Variants in OSBPL10 observed in about 807,000 individuals in gnomAD.
OSBPL10 encodes oxysterol-binding protein-related protein 10.
OSBPL10 carries 49 observed loss-of-function variants against 81.7 expected under a neutral mutation model. The ratio of observed to expected loss-of-function variants is 0.60; its 90% CI spans 0.48 to 0.76. OSBPL10 has a LOEUF of 0.76. Among genes scored for constraint, OSBPL10 ranks in the 30% least tolerant of loss-of-function variants. The pLI is 0.00. For synonymous variants in OSBPL10, 419 were observed against 383.6 expected (o/e 1.09, Z -1.08); for missense variants, 923 against 987.8 (o/e 0.93, Z 0.88).
At chr3:31,964,721 T>C (rs1031566571) in intron 1 of OSBPL10, among the ~76,000 whole-genome samples, 11 of 152,180 alleles carry the variant, frequency 7.2e-5, no homozygotes, top group African/African-American at 2.4e-4. Context: ...TGGCCTGAAA[T>C]ACTTGTGTGC....
intron 3 of OSBPL10, among the ~76,000 whole-genome samples, chr3:31,833,693 GCACACGCACACGCACACA>G (rs756060747): frequency 6.8e-5 from 9 of 132,876 alleles, no homozygotes; most frequent in African/African-American, 2.1e-4. Context: ...GGGAAAACAC[GCACACGCACACGCACACA>G]CACACACACA....
At chr3:31,956,794 C>T (rs1311104635) in intron 1 of OSBPL10, among the ~76,000 whole-genome samples, 1 of 151,804 alleles carries the variant, frequency 6.6e-6, no homozygotes, top group Non-Finnish European at 1.5e-5. Context: ...TGGGATACAG[C>T]ATGTCAATCT....
chr3:31,674,089 C>A (rs1700394497), intron 8 of OSBPL10, among the ~76,000 whole-genome samples: 1 of 152,164 alleles, frequency 6.6e-6, no homozygotes, highest in South Asian at 2.1e-4. Flanking sequence ...TATTTGACCC[C>A]CTCCAAAACT....
intron 2 of OSBPL10, among the ~76,000 whole-genome samples, chr3:32,023,064 C>A (rs1699373751): frequency 6.6e-6 from 1 of 152,126 alleles, no homozygotes; most frequent in Non-Finnish European, 1.5e-5. Context: ...CATCTCCTGA[C>A]TTTAGCTTCT....
chr3:31,874,554 A>G (rs1701403056), intron 3 of OSBPL10, among the ~76,000 whole-genome samples: 2 of 152,194 alleles, frequency 1.3e-5, no homozygotes, highest in Non-Finnish European at 2.9e-5. Flanking sequence ...AAAACAAGTG[A>G]AGGATATAAA....
At chr3:32,012,641 G>A (rs9810706) in intron 2 of OSBPL10, among the ~76,000 whole-genome samples, 4,651 of 152,214 alleles carry the variant, frequency 0.031, 242 homozygotes, top group African/African-American at 0.11. Flanking sequence ...AAAAGACACA[G>A]ACTGGCAAAT....
At chr3:31,993,690 A>ACACACG (rs949281655) in intron 2 of OSBPL10, among the ~76,000 whole-genome samples, 1 of 151,864 alleles carries the variant, frequency 6.6e-6, no homozygotes, top group Non-Finnish European at 1.5e-5. Context: ...ATACACACAC[A>ACACACG]CACACACACA....
intron 4 of OSBPL10, among the ~76,000 whole-genome samples, chr3:31,823,965 C>T (rs930462113): frequency 6.6e-6 from 1 of 152,052 alleles, no homozygotes; most frequent in Non-Finnish European, 1.5e-5. Flanking sequence ...GATTCTCCCA[C>T]CTCAGCCTCC....
intron 1 of OSBPL10, among the ~76,000 whole-genome samples, chr3:31,907,327 G>A (rs1696437178): frequency 6.6e-6 from 1 of 151,942 alleles, no homozygotes; most frequent in East Asian, 1.9e-4. Flanking sequence ...AAGTAAGACT[G>A]GTAAATTTAA....
chr3:31,879,203 C>T (rs549668500), intron 2 of OSBPL10, among the ~76,000 whole-genome samples: 7 of 152,162 alleles, frequency 4.6e-5, no homozygotes, highest in South Asian at 2.1e-4. Flanking sequence ...CCAGGCTCTA[C>T]GACAGTGGAT....
intron 1 of OSBPL10, among the ~76,000 whole-genome samples, chr3:31,930,993 C>T (rs1464003451): frequency 5.1e-5 from 6 of 117,742 alleles, no homozygotes; most frequent in East Asian, 2.6e-4. Context: ...CCAGCCTGGG[C>T]GACAGAGCAA....
rs532399763 is a variant in OSBPL10 at position 31,888,843 on chromosome 3, G to T, written c.282-9013C>A. ...GGAAGCTGAGGCAGGAGAATCACTC[G>T]AACCTGAGAGGTGGAGGTTGCAGTG... is the stretch of plus-strand genomic sequence containing the variant. On this transcript the variant is annotated intron_variant, in intron 1 of 11. Transcript: ENST00000396556. Among the ~76,000 whole-genome samples, 3 of 152,264 alleles carry T rather than the reference G, an allele frequency of 2.0e-5. No homozygotes were observed. In the East Asian group the frequency reaches 5.8e-4, roughly 29 times the overall value.
chr3:31,851,452 C>A (rs541126468), intron 3 of OSBPL10, among the ~76,000 whole-genome samples: 8 of 152,280 alleles, frequency 5.3e-5, no homozygotes, highest in African/African-American at 1.9e-4. Context: ...CTGCCCACAG[C>A]GGGATGAGGG....
intron 4 of OSBPL10, among the ~76,000 whole-genome samples, chr3:31,773,889 C>T (rs537976028): frequency 3.3e-5 from 5 of 152,136 alleles, no homozygotes; most frequent in Non-Finnish European, 5.9e-5. Flanking sequence ...AAAGGCCAGG[C>T]GTGGTGGCTC....
At chr3:31,869,845 G>A (rs924273412) in intron 3 of OSBPL10, among the ~76,000 whole-genome samples, 1 of 152,194 alleles carries the variant, frequency 6.6e-6, no homozygotes, top group African/African-American at 2.4e-5. Context: ...ACACAATCAT[G>A]GATGAAGCTC....
intron 4 of OSBPL10, chr3:31,797,717 T>A (rs1699267465): frequency 4.6e-6 from 2 of 437,796 alleles, no homozygotes; most frequent in Admixed American, 2.5e-5. Context: ...ATGATATAAG[T>A]CACAGTCACT....
chr3:31,819,406 TAC>T (rs1273745775), intron 4 of OSBPL10, among the ~76,000 whole-genome samples: 11 of 152,226 alleles, frequency 7.2e-5, no homozygotes, highest in African/African-American at 2.7e-4. Flanking sequence ...CCACTTTACA[TAC>T]GAGAGATGTA....
chr3:31,921,240 C>CT (rs992210980), intron 1 of OSBPL10, among the ~76,000 whole-genome samples: 5 of 152,066 alleles, frequency 3.3e-5, no homozygotes, highest in African/African-American at 1.2e-4. Context: ...CACACATGTA[C>CT]TTTTTTTATG....
At chr3:31,836,947 C>T (rs1227224778) in intron 3 of OSBPL10, among the ~76,000 whole-genome samples, 8 of 152,182 alleles carry the variant, frequency 5.3e-5, no homozygotes, top group Non-Finnish European at 1.0e-4. Context: ...AATCTCAAGA[C>T]ATAAGTCTAG....
Sources: allele counts gnomAD v4.1 joint callset (sites outside exome capture counted in the v4.1 genomes callset), GRCh38; gene constraint gnomAD v4.1.1; transcripts MANE v1.5; gene names NCBI Gene and HGNC (gene_info 2026-07-23, HGNC 2026-07-21).